The following MGAT4C variants were observed in gnomAD, a reference collection of about 807,000 sequenced individuals.
The protein encoded by MGAT4C is alpha-1,3-mannosyl-glycoprotein 4-beta-N-acetylglucosaminyltransferase C.
In MGAT4C, 19 loss-of-function variants were observed where a neutral mutation model predicts 40.1. The ratio of observed to expected loss-of-function variants is 0.47; its 90% CI spans 0.33 to 0.70. MGAT4C has a LOEUF of 0.70. MGAT4C is among the 30% of genes least tolerant of loss of function. The pLI, the probability that MGAT4C is intolerant of heterozygous loss-of-function variation, is 0.02. For synonymous variants in MGAT4C, 181 were observed against 187.1 expected, an observed-to-expected ratio of 0.97 and a Z score of 0.27; for missense variants, 491 against 563.2, an observed-to-expected ratio of 0.87 and a Z score of 1.30.
chr12:86,457,944 T>C (rs1265567645), intron 2 of MGAT4C, among the ~76,000 whole-genome samples: 1 of 152,068 alleles, frequency 6.6e-6, no homozygotes, highest in Non-Finnish European at 1.5e-5. Context: ...AAAATACTTT[T>C]AAAGACAATT....
At chr12:86,072,593 A>G (rs956606323) in intron 1 of MGAT4C, among the ~76,000 whole-genome samples, 2 of 152,100 alleles carry the variant, frequency 1.3e-5, no homozygotes, top group African/African-American at 2.4e-5. Context: ...ACAACGAAGC[A>G]AAGGATAGAT....
chr12:86,310,447 C>T (rs1954043312), intron 4 of MGAT4C, among the ~76,000 whole-genome samples: 1 of 151,990 alleles, frequency 6.6e-6, no homozygotes, highest in Non-Finnish European at 1.5e-5. Flanking sequence ...CAGCTTTGTC[C>T]AGTATTGATA....
intron 1 of MGAT4C, among the ~76,000 whole-genome samples, chr12:86,247,512 A>G (rs1195561848): frequency 6.6e-6 from 1 of 152,202 alleles, no homozygotes; most frequent in African/African-American, 2.4e-5. Flanking sequence ...GAAAGCCTAC[A>G]ATGGAAACTT....
In MGAT4C at chr12:86,334,877, T is replaced by A. The variant is rs59851981; in HGVS notation, c.-119-750A>T. ...AGTTTTAGCAAATGCAGAACTAAGA[T>A]GTTCAATTAAAACATTAAACTCTAC... On this transcript the variant is annotated intron_variant, in intron 3 of 7. Transcript: ENST00000548651. Among the ~76,000 whole-genome samples, 509 of 152,216 alleles carry A rather than the reference T, an allele frequency of 3.3e-3. 3 individuals are homozygous for A. Among genetic ancestry groups the A allele is most frequent in the African/African-American group, 0.012 (496 of 41,578 alleles).
At chr12:86,115,759 C>A (rs752032764) in intron 1 of MGAT4C, among the ~76,000 whole-genome samples, 9 of 151,972 alleles carry the variant, frequency 5.9e-5, no homozygotes, top group South Asian at 2.1e-4. Flanking sequence ...GGGAAGAAGA[C>A]AAGTAAGTGA....
chr12:86,719,328 G>A (rs1006353560), intron 2 of MGAT4C, among the ~76,000 whole-genome samples: 1 of 152,220 alleles, frequency 6.6e-6, no homozygotes, highest in African/African-American at 2.4e-5. Flanking sequence ...TGTGCCTGTG[G>A]TTGTTTCAGT....
At chr12:86,504,498 A>T (rs1383131602) in intron 2 of MGAT4C, among the ~76,000 whole-genome samples, 2 of 152,198 alleles carry the variant, frequency 1.3e-5, no homozygotes, top group Non-Finnish European at 2.9e-5. Context: ...TAAAATGTTT[A>T]CTTAAAAACA....
chr12:86,563,456 G>C (rs1015177736), intron 2 of MGAT4C, among the ~76,000 whole-genome samples: 7 of 152,174 alleles, frequency 4.6e-5, no homozygotes, highest in African/African-American at 1.7e-4. Flanking sequence ...TCCAGGTTGA[G>C]TGGACCAAAG....
intron 1 of MGAT4C, among the ~76,000 whole-genome samples, chr12:86,794,776 CA>C (rs1200752240): frequency 2.0e-5 from 3 of 151,682 alleles, no homozygotes; most frequent in Non-Finnish European, 3.0e-5. Context: ...AAACAGAAAT[CA>C]ATTTTTTTGT....
chr12:86,374,021 T>A (rs1033692096), intron 3 of MGAT4C, among the ~76,000 whole-genome samples: 6 of 152,092 alleles, frequency 3.9e-5, no homozygotes, highest in Non-Finnish European at 7.4e-5. Context: ...ACACAGGAAG[T>A]CCTGAGCCCT....
intron 3 of MGAT4C, among the ~76,000 whole-genome samples, chr12:86,415,295 T>G (rs909728886): frequency 6.6e-6 from 1 of 152,154 alleles, no homozygotes; most frequent in South Asian, 2.1e-4. Context: ...GATATAAGAC[T>G]TTATTTCCTC....
At chr12:86,639,888 C>T (rs1963329648) in intron 2 of MGAT4C, among the ~76,000 whole-genome samples, 1 of 151,692 alleles carries the variant, frequency 6.6e-6, no homozygotes, top group Non-Finnish European at 1.5e-5. Context: ...TACTTTCCTC[C>T]TCTGATTGGC....
intron 1 of MGAT4C, among the ~76,000 whole-genome samples, chr12:86,742,687 T>G (rs987977104): frequency 6.6e-6 from 1 of 151,486 alleles, no homozygotes; most frequent in African/African-American, 2.4e-5. Context: ...TTATGCAGCA[T>G]TATCCTGGTA....
At chr12:86,070,697 T>A (rs1321642878) in intron 1 of MGAT4C, among the ~76,000 whole-genome samples, 1 of 152,022 alleles carries the variant, frequency 6.6e-6, no homozygotes, top group Non-Finnish European at 1.5e-5. Flanking sequence ...TCAAATTGTA[T>A]TTGAATGAAG....
At chr12:86,471,651 A>C (rs1375617380) in intron 2 of MGAT4C, among the ~76,000 whole-genome samples, 1 of 152,106 alleles carries the variant, frequency 6.6e-6, no homozygotes, top group East Asian at 1.9e-4. Flanking sequence ...TGATGTGAGA[A>C]AATTTTGGCT....
At chr12:86,321,297 C>A (rs1452771302) in intron 4 of MGAT4C, among the ~76,000 whole-genome samples, 1 of 152,118 alleles carries the variant, frequency 6.6e-6, no homozygotes, top group Admixed American at 6.5e-5. Context: ...TTTGATTTAA[C>A]ATGTCTTCTA....
At chr12:86,550,265 T>C (rs1249442620) in intron 2 of MGAT4C, among the ~76,000 whole-genome samples, 5 of 152,146 alleles carry the variant, frequency 3.3e-5, no homozygotes, top group African/African-American at 1.2e-4. Context: ...CTGTCTCAGG[T>C]ATTCTTTACA....
rs117801444 is a variant in MGAT4C, at chr12:86,438,390, G to A, written c.-228-3125C>T. Among the ~76,000 whole-genome samples, 60 of 152,036 alleles carry A rather than the reference G, an allele frequency of 3.9e-4. No homozygotes were observed. In the East Asian group the frequency reaches 0.011, roughly 27 times the overall value. On this transcript the variant is annotated intron_variant, in intron 2 of 7. Coordinates refer to the MGAT4C transcript ENST00000548651. ...TGATATTTAAGGAATGATGCCCTCTGTATGACTTAAAAGTGCAAAGTGAAA... is the reference window on the plus strand; with the variant it reads ...TGATATTTAAGGAATGATGCCCTCTATATGACTTAAAAGTGCAAAGTGAAA...
chr12:86,058,482 A>C (rs1893614459), intron 1 of MGAT4C, among the ~76,000 whole-genome samples: 4 of 152,152 alleles, frequency 2.6e-5, no homozygotes, highest in Admixed American at 2.6e-4. Flanking sequence ...ATTATGCCTT[A>C]CAATTTACAG....
Sources: allele counts gnomAD v4.1 joint callset (sites outside exome capture counted in the v4.1 genomes callset), GRCh38; gene constraint gnomAD v4.1.1; transcripts MANE v1.5; gene names NCBI Gene and HGNC (gene_info 2026-07-23, HGNC 2026-07-21).